The following FRMD5 variants were observed in gnomAD, a reference collection of about 807,000 sequenced individuals.
FRMD5 encodes the protein FERM domain containing 5, also known as FERM domain-containing protein 5.
FRMD5 carries 20 observed loss-of-function variants against 69.0 expected under a neutral mutation model. The observed-to-expected ratio is 0.29, with a 90% confidence interval of 0.20 to 0.42. FRMD5 has a LOEUF of 0.42. FRMD5 is among the 10% of genes least tolerant of loss of function. The pLI is 1.00. For missense variants in FRMD5, 595 were observed against 708.6 expected, an observed-to-expected ratio of 0.84 and a Z score of 1.82; for synonymous variants, 271 against 260.1, an observed-to-expected ratio of 1.04 and a Z score of -0.40.
upstream of FRMD5, among the ~76,000 whole-genome samples, chr15:44,196,967 C>T (rs888153460): frequency 6.6e-6 from 1 of 152,100 alleles, no homozygotes; most frequent in African/African-American, 2.4e-5. Flanking sequence ...ACCAGGCATG[C>T]GCTCCACTAC....
At chr15:44,164,948 C>T (rs1003355134) in intron 1 of FRMD5, among the ~76,000 whole-genome samples, 1 of 152,160 alleles carries the variant, frequency 6.6e-6, no homozygotes, top group Non-Finnish European at 1.5e-5. Context: ...GATACATGTT[C>T]GGAGGTGGAG....
At chr15:43,901,454 G>C (rs1021408599) in intron 7 of FRMD5, among the ~76,000 whole-genome samples, 2 of 152,154 alleles carry the variant, frequency 1.3e-5, no homozygotes, top group Admixed American at 1.3e-4. Flanking sequence ...TGGTTTTACT[G>C]GTGATACTGG....
intron 1 of FRMD5, among the ~76,000 whole-genome samples, chr15:43,944,951 ATT>A (rs1555386268): frequency 1.5e-5 from 2 of 133,858 alleles, no homozygotes. Flanking sequence ...AAGTTTATTT[ATT>A]TATTTTTTTT....
chr15:43,975,745 C>CT lies in FRMD5; in HGVS notation c.103-51437dup, dbSNP rs749222173. On this transcript the variant is annotated intron_variant, in intron 1 of 13. Transcript: ENST00000417257. ...CAATCTCAATTAAAATCCCAGGAGG[C>CT]TTTTTTTGTAGAAACTAGCAAATGA... Among the ~76,000 whole-genome samples the CT allele has an allele frequency of 1.1e-4, 16 of 152,164 alleles. No homozygotes were observed. The East Asian group carries it at 2.3e-3, about 22-fold the overall frequency.
At chr15:43,982,001 A>G (rs2090555701) in intron 1 of FRMD5, among the ~76,000 whole-genome samples, 1 of 152,232 alleles carries the variant, frequency 6.6e-6, no homozygotes, top group Non-Finnish European at 1.5e-5. Flanking sequence ...AGTTTTCTCC[A>G]GCAGGAATTT....
intron 8 of FRMD5, among the ~76,000 whole-genome samples, chr15:43,890,206 A>G (rs16943304): frequency 0.01 from 1,548 of 152,296 alleles, 61 homozygotes; most frequent in Admixed American, 0.075. Flanking sequence ...CACACAGATC[A>G]CCTAGGTTCC....
At chr15:44,081,439 C>A (rs1893992639) in intron 1 of FRMD5, among the ~76,000 whole-genome samples, 1 of 152,020 alleles carries the variant, frequency 6.6e-6, no homozygotes, top group African/African-American at 2.4e-5. Flanking sequence ...GATCTGGGAT[C>A]AACTATTTCA....
chr15:43,877,810 G>C (rs1402776960), intron 13 of FRMD5, among the ~76,000 whole-genome samples: 1 of 152,200 alleles, frequency 6.6e-6, no homozygotes, highest in Non-Finnish European at 1.5e-5. Flanking sequence ...GAGGTTATCT[G>C]AAGTCATGTG....
chr15:44,132,406 G>A (rs2077114556), intron 1 of FRMD5, among the ~76,000 whole-genome samples: 1 of 152,154 alleles, frequency 6.6e-6, no homozygotes, highest in South Asian at 2.1e-4. Flanking sequence ...AGATAGTGAT[G>A]ATGGTAGTAC....
At chr15:44,126,218 A>C (rs2077023120) in intron 1 of FRMD5, among the ~76,000 whole-genome samples, 1 of 152,172 alleles carries the variant, frequency 6.6e-6, no homozygotes, top group Non-Finnish European at 1.5e-5. Context: ...CTTGGTGAGT[A>C]AAAAAAGATT....
intron 1 of FRMD5, among the ~76,000 whole-genome samples, chr15:43,965,299 T>G (rs1449639897): frequency 6.6e-6 from 1 of 152,186 alleles, no homozygotes; most frequent in Non-Finnish European, 1.5e-5. Flanking sequence ...AACCATCTGA[T>G]GTGCACTAGG....
chr15:44,084,661 C>A (rs1894123332), intron 1 of FRMD5, among the ~76,000 whole-genome samples: 1 of 152,094 alleles, frequency 6.6e-6, no homozygotes, highest in Non-Finnish European at 1.5e-5. Context: ...TATAAGTTTT[C>A]TCTCTTCTCC....
chr15:44,197,715 A>T (rs529545243), upstream of FRMD5, among the ~76,000 whole-genome samples: 4 of 151,976 alleles, frequency 2.6e-5, no homozygotes, highest in South Asian at 4.1e-4. Flanking sequence ...AAGGAAAAAA[A>T]ATTCAAACTG....
intron 4 of FRMD5, among the ~76,000 whole-genome samples, chr15:43,914,723 C>CTTTTTTTTTTTTTTTTTTTCTTTTTTTTT (rs2089351495): frequency 9.1e-6 from 1 of 109,418 alleles, no homozygotes; most frequent in African/African-American, 5.4e-5. Context: ...AGGTGACTAC[C>CTTTTTTTTTTTTTTTTTTTCTTTTTTTTT]TTTTTTTTTT....
At chr15:43,972,629 C>A (rs1339048047) in intron 1 of FRMD5, among the ~76,000 whole-genome samples, 1 of 152,018 alleles carries the variant, frequency 6.6e-6, no homozygotes, top group African/African-American at 2.4e-5. Context: ...GCCCCCTTGG[C>A]CGGGTGCCCT....
intron 1 of FRMD5, among the ~76,000 whole-genome samples, chr15:44,168,807 C>A (rs754229964): frequency 1.3e-5 from 2 of 152,196 alleles, no homozygotes; most frequent in Non-Finnish European, 2.9e-5. Context: ...TCTTCTGATT[C>A]TCTCCGAGGT....
At chr15:44,048,545 G>GT (rs1892526333) in intron 1 of FRMD5, among the ~76,000 whole-genome samples, 1 of 151,986 alleles carries the variant, frequency 6.6e-6, no homozygotes, top group African/African-American at 2.4e-5. Flanking sequence ...GCAGCACAAA[G>GT]TTTTTTATTT....
At chr15:43,902,406 C>A in intron 6 of FRMD5, 144 bp from the exon 7 acceptor site, 1 of 664,436 alleles carries the variant, frequency 1.5e-6, no homozygotes, top group South Asian at 1.8e-5. Context: ...CTAGGACCAA[C>A]TTCGAGACTC....
chr15:44,012,306 G>C (rs1339181280), intron 1 of FRMD5, among the ~76,000 whole-genome samples: 2 of 152,184 alleles, frequency 1.3e-5, no homozygotes, highest in Non-Finnish European at 2.9e-5. Flanking sequence ...GACTATCACA[G>C]AGACTCTAAA....
Sources: allele counts gnomAD v4.1 joint callset (sites outside exome capture counted in the v4.1 genomes callset), GRCh38; gene constraint gnomAD v4.1.1; transcripts MANE v1.5; gene names NCBI Gene and HGNC (gene_info 2026-07-23, HGNC 2026-07-21).